Variants in PAN3 observed in about 807,000 individuals in gnomAD.
PAN3 encodes the protein PAN2-PAN3 deadenylation complex subunit PAN3.
Under a neutral mutation model 96.2 loss-of-function variants are expected in PAN3, and 19 were observed. The ratio of observed to expected loss-of-function variants is 0.20; its 90% confidence interval spans 0.14 to 0.29. PAN3 has a LOEUF of 0.29. Ranked by LOEUF, PAN3 falls within the 10% of genes least tolerant of loss-of-function variation. The probability of loss-of-function intolerance (pLI) is 1.00; values close to 1 mark genes in which losing one functional copy is unlikely to be tolerated. For synonymous variants in PAN3, 433 were observed against 406.6 expected (o/e 1.06, Z -0.78); for missense variants, 882 against 1,108.1 (o/e 0.80, Z 2.90).
At chr13:28,157,195 C>T (rs1444411987) in intron 1 of PAN3, among the ~76,000 whole-genome samples, 1 of 151,878 alleles carries the variant, frequency 6.6e-6, no homozygotes, top group Non-Finnish European at 1.5e-5. Flanking sequence ...GTTAAAAACC[C>T]TCAATAAACT....
intron 6 of PAN3, among the ~76,000 whole-genome samples, chr13:28,227,583 G>A (rs113331131): frequency 7.9e-4 from 120 of 152,230 alleles, no homozygotes; most frequent in African/African-American, 2.6e-3. Context: ...TGGTTTCTGT[G>A]TTTTAGAGTC....
chr13:28,215,738 G>GT lies in PAN3; in HGVS notation c.853-4492dup. The GT allele has an allele frequency of 2.0e-6, 3 of 1,499,300 alleles. No individual in the cohort carries two copies. In the South Asian group the frequency reaches 3.5e-5, roughly 17 times the overall value. The allele number at this position is 1,499,300 out of a possible 1,614,324, so 92.9% of individuals were successfully genotyped here. On this transcript the variant is annotated intron_variant, in intron 5 of 18. Transcript: ENST00000380958. ...TTGATATAGTTCCTGGCAAGCCCAT[G>GT]TGTGCTGAGAGCTTCTCAGACCATC...
At chr13:28,178,492 T>C (rs1303771139) in intron 4 of PAN3, among the ~76,000 whole-genome samples, 1 of 152,158 alleles carries the variant, frequency 6.6e-6, no homozygotes, top group Non-Finnish European at 1.5e-5. Flanking sequence ...TTGTGACAAG[T>C]TGAATAATTT....
chr13:28,254,702 CAT>C (rs998380091), intron 6 of PAN3, among the ~76,000 whole-genome samples: 2 of 149,886 alleles, frequency 1.3e-5, no homozygotes, highest in African/African-American at 5.0e-5. Flanking sequence ...AATTTGGCTT[CAT>C]ATTTTTTTTA....
intron 6 of PAN3, among the ~76,000 whole-genome samples, chr13:28,229,485 G>C (rs1419070174): frequency 6.6e-6 from 1 of 152,178 alleles, no homozygotes; most frequent in African/African-American, 2.4e-5. Flanking sequence ...TATTGAACCA[G>C]AATACACTGA....
At chr13:28,222,685 G>C (rs1175076736) in intron 6 of PAN3, among the ~76,000 whole-genome samples, 1 of 152,018 alleles carries the variant, frequency 6.6e-6, no homozygotes, top group African/African-American at 2.4e-5. Context: ...TTTAAGGAAG[G>C]GTTCTTGACA....
chr13:28,289,876 C>T (rs950631655), intron 18 of PAN3, among the ~76,000 whole-genome samples: 8 of 151,282 alleles, frequency 5.3e-5, no homozygotes, highest in South Asian at 2.1e-4. Context: ...AGCGAGACTC[C>T]GTCTCAAAAA....
intron 1 of PAN3, among the ~76,000 whole-genome samples, chr13:28,162,008 A>G (rs566670179): frequency 6.6e-6 from 1 of 152,234 alleles, no homozygotes; most frequent in African/African-American, 2.4e-5. Context: ...AACACACTCT[A>G]TTACAAAGAG....
intron 6 of PAN3, among the ~76,000 whole-genome samples, chr13:28,238,307 C>T (rs1348670906): frequency 6.6e-6 from 1 of 152,210 alleles, no homozygotes; most frequent in African/African-American, 2.4e-5. Context: ...TGGCATTATA[C>T]AATGGGTGTT....
chr13:28,200,129 A>G (rs1451753299), intron 5 of PAN3, among the ~76,000 whole-genome samples: 1 of 152,190 alleles, frequency 6.6e-6, no homozygotes, highest in Non-Finnish European at 1.5e-5. Flanking sequence ...AAATCTCTTT[A>G]CTTCTATGTG....
At chr13:28,207,647 C>T (rs1879534708) in intron 5 of PAN3, among the ~76,000 whole-genome samples, 1 of 152,240 alleles carries the variant, frequency 6.6e-6, no homozygotes. Context: ...TGAATTCATA[C>T]ATACGGTCTT....
intron 17 of PAN3, among the ~76,000 whole-genome samples, chr13:28,283,608 A>G (rs1480105736): frequency 1.3e-5 from 2 of 152,148 alleles, no homozygotes; most frequent in Non-Finnish European, 2.9e-5. Context: ...ATATTTTATC[A>G]TAACAGCGTG....
intron 6 of PAN3, among the ~76,000 whole-genome samples, chr13:28,235,444 G>A (rs963105140): frequency 5.9e-5 from 9 of 152,182 alleles, no homozygotes; most frequent in African/African-American, 2.2e-4. Context: ...TTAAGAATAT[G>A]TATTTGAACA....
At chr13:28,155,090 A>G (rs1035096308) in intron 1 of PAN3, among the ~76,000 whole-genome samples, 4 of 151,480 alleles carry the variant, frequency 2.6e-5, no homozygotes, top group African/African-American at 9.7e-5. Context: ...TGCTGGGACT[A>G]CAGGCGTGAG....
intron 18 of PAN3, among the ~76,000 whole-genome samples, chr13:28,288,779 G>A (rs1156434676): frequency 1.3e-5 from 2 of 151,310 alleles, no homozygotes; most frequent in South Asian, 2.1e-4. Flanking sequence ...AACCCCTTCC[G>A]AATCATTGTG....
chr13:28,149,435 G>C (rs1227916727), intron 1 of PAN3, among the ~76,000 whole-genome samples: 4 of 152,124 alleles, frequency 2.6e-5, no homozygotes, highest in Admixed American at 1.3e-4. Context: ...ATCTGCCCCG[G>C]TAAAATTTTT....
chr13:28,156,677 T>G (rs529335882), intron 1 of PAN3, among the ~76,000 whole-genome samples: 3 of 152,200 alleles, frequency 2.0e-5, no homozygotes, highest in African/African-American at 7.2e-5. Flanking sequence ...ACTAGCAAAC[T>G]GAATCCAGCA....
intron 6 of PAN3, among the ~76,000 whole-genome samples, chr13:28,221,137 T>A (rs1336538348): frequency 1.3e-5 from 2 of 152,174 alleles, no homozygotes; most frequent in Admixed American, 6.6e-5. Flanking sequence ...TTTATTTTAG[T>A]ATAAAAATAT....
At chr13:28,171,837 C>A (rs1593404887) in intron 1 of PAN3, among the ~76,000 whole-genome samples, 1 of 152,300 alleles carries the variant, frequency 6.6e-6, no homozygotes, top group East Asian at 1.9e-4. Context: ...TTGGGTAGGG[C>A]TGAAAGTTCC....
Sources: allele counts gnomAD v4.1 joint callset (sites outside exome capture counted in the v4.1 genomes callset), GRCh38; gene constraint gnomAD v4.1.1; transcripts MANE v1.5; gene names NCBI Gene and HGNC (gene_info 2026-07-23, HGNC 2026-07-21).